FUT8: variants seen among roughly 807,000 people sequenced by gnomAD.
FUT8 encodes alpha-(1,6)-fucosyltransferase.
In FUT8, 29 loss-of-function variants were observed where a neutral mutation model predicts 71.3. The ratio of observed to expected loss-of-function variants is 0.41; its 90% CI spans 0.30 to 0.55. FUT8 has a LOEUF of 0.55. Among genes scored for constraint, FUT8 ranks in the 20% least tolerant of loss-of-function variants. The pLI is 0.34. For missense variants in FUT8, 544 were observed against 702.1 expected (o/e 0.77, Z 2.55); for synonymous variants, 254 against 239.3 (o/e 1.06, Z -0.57).
intron 10 of FUT8, among the ~76,000 whole-genome samples, chr14:65,738,814 C>T (rs539060532): frequency 5.9e-5 from 9 of 152,174 alleles, no homozygotes; most frequent in African/African-American, 2.2e-4. Context: ...AAATTACTTC[C>T]TCTTAATGTT....
intron 5 of FUT8, chr14:65,616,980 A>C: frequency 1.6e-6 from 2 of 1,245,290 alleles, no homozygotes; most frequent in Non-Finnish European, 2.2e-6. Flanking sequence ...AAAAGAAAAC[A>C]TTTTGGTGCT....
intron 6 of FUT8, among the ~76,000 whole-genome samples, chr14:65,632,884 G>A (rs758554744): frequency 6.6e-6 from 1 of 152,020 alleles, no homozygotes; most frequent in Non-Finnish European, 1.5e-5. Flanking sequence ...ATCTTGAGTT[G>A]ATTTTTGTAT....
intron 6 of FUT8, among the ~76,000 whole-genome samples, chr14:65,629,829 T>TACACACACACACACAC (rs3079115): frequency 2.1e-4 from 31 of 148,100 alleles, no homozygotes; most frequent in African/African-American, 7.2e-4. Flanking sequence ...CTTACACACG[T>TACACACACACACACAC]ACACACACAC....
At chr14:65,439,986 A>ATATATATC (rs2065626635) in intron 1 of FUT8, among the ~76,000 whole-genome samples, 1 of 139,562 alleles carries the variant, frequency 7.2e-6, no homozygotes, top group Non-Finnish European at 1.6e-5. Flanking sequence ...ATATATATAT[A>ATATATATC]TATATGTACA....
intron 8 of FUT8, 80 bp from the exon 9 acceptor site, chr14:65,724,067 A>G (rs1443037061): frequency 9.5e-7 from 1 of 1,050,248 alleles, no homozygotes; most frequent in Non-Finnish European, 1.3e-6. Flanking sequence ...TAATGCCACC[A>G]TAAGTAGGGG....
At chr14:65,600,693 TA>T (rs1267319547) in intron 3 of FUT8, among the ~76,000 whole-genome samples, 1 of 152,140 alleles carries the variant, frequency 6.6e-6, no homozygotes. Flanking sequence ...TCTTGTACCT[TA>T]AAAAATTTAT....
intron 7 of FUT8, among the ~76,000 whole-genome samples, chr14:65,685,256 T>G (rs1425808772): frequency 6.6e-6 from 1 of 152,134 alleles, no homozygotes; most frequent in Non-Finnish European, 1.5e-5. Flanking sequence ...AAAAAGGAGA[T>G]TTGGACACAG....
intron 7 of FUT8, among the ~76,000 whole-genome samples, chr14:65,699,249 A>G (rs1894165331): frequency 6.6e-6 from 1 of 151,340 alleles, no homozygotes; most frequent in Admixed American, 6.6e-5. Context: ...ACCCTGGGAA[A>G]CTAATCCTTT....
intron 6 of FUT8, among the ~76,000 whole-genome samples, chr14:65,649,431 T>G (rs1239341709): frequency 6.6e-6 from 1 of 152,202 alleles, no homozygotes; most frequent in Non-Finnish European, 1.5e-5. Flanking sequence ...AAGCCACAAG[T>G]CACATCTGAA....
intron 7 of FUT8, among the ~76,000 whole-genome samples, chr14:65,691,737 AGGACCCTGCGGCC>A (rs1474039479): frequency 6.6e-5 from 10 of 151,766 alleles, no homozygotes; most frequent in African/African-American, 2.4e-4. Context: ...TCCTAGGCAG[AGGACCCTGCGGCC>A]TTCTGCAGTG....
chr14:65,609,604 C>G (rs760445967), intron 3 of FUT8, among the ~76,000 whole-genome samples: 1 of 151,820 alleles, frequency 6.6e-6, no homozygotes, highest in Non-Finnish European at 1.5e-5. Context: ...TCATTATGCT[C>G]TTTGTCATCT....
the FUT8 span, among the ~76,000 whole-genome samples, chr14:65,393,617 C>A: frequency 6.6e-6 from 1 of 152,150 alleles, no homozygotes; most frequent in African/African-American, 2.4e-5. Context: ...CTCAGGGTTT[C>A]TGAGCAGGAA....
chr14:65,583,611 A>G (rs909616896), intron 3 of FUT8, among the ~76,000 whole-genome samples: 1 of 151,716 alleles, frequency 6.6e-6, no homozygotes, highest in Non-Finnish European at 1.5e-5. Context: ...AACATAAGCG[A>G]CATTTAATTT....
intron 1 of FUT8, among the ~76,000 whole-genome samples, chr14:65,442,424 C>G (rs769505498): frequency 6.6e-6 from 1 of 151,788 alleles, no homozygotes; most frequent in Non-Finnish European, 1.5e-5. Flanking sequence ...CCTGCTTCAG[C>G]CTCCCAAAGT....
rs566350467 is a variant in FUT8, at chr14:65,629,587, G to A, written c.578G>A (p.Arg193Gln). The change falls in exon 6 of 11, where the codon CGG (arginine) becomes CAG (glutamine). Residue 193 changes from arginine to glutamine, a missense_variant. By Grantham distance (43) the Arg-to-Gln change is conservative. Coordinates refer to ENST00000673929, the MANE Select transcript of FUT8 (RefSeq NM_001371533.1). ...EAKDLTELVQ[R>Q]RITYLQNPKD... is the part of the protein sequence containing the mutation. The stretch of plus-strand genomic sequence containing the variant: ...AAAGATCTGACAGAACTGGTTCAGC[G>A]GAGAATAACATATCTTCAGGTAAGA... 1.5e-5 allele frequency: 24 copies of A among 1,612,410 alleles called. No individual in the cohort carries two copies. Among genetic ancestry groups the A allele is most frequent in the Middle Eastern group, 1.7e-4 (1 of 6,060 alleles).
Position 65,483,715 on chromosome 14 carries a change from A to T in FUT8, c.-228+27997A>T, listed in dbSNP as rs981264579. Among the ~76,000 whole-genome samples, 1 of 151,684 alleles carries T rather than the reference A, an allele frequency of 6.6e-6. No homozygotes were observed. The highest frequency in any genetic ancestry group is 1.9e-4 in the East Asian group (1 of 5,198). The stretch of plus-strand genomic sequence containing the variant: ...ATGCTTTTATAAATATTTAAATAAC[A>T]TATCAATTTTTTTTTTTTGAGACAG... On this transcript the variant is annotated intron_variant, in intron 2 of 10. Transcript: ENST00000673929. This position sits in a 1 kb window ranked among gnomAD's most constrained non-coding sequence, Gnocchi z 4.4.
Position 65,670,624 on chromosome 14 carries a change from G to A in FUT8, c.835+1144G>A, listed in dbSNP as rs372181830. Among the ~76,000 whole-genome samples the A allele has an allele frequency of 2.6e-5, 4 of 151,776 alleles. No homozygotes were observed. The East Asian group carries it at 5.8e-4, about 22-fold the overall frequency. Reference sequence around the variant, plus strand: ...CTTCAGTTAATATCATTTATTGTGGGGCTAAGCACCTTTTTTCACGAGCTA... The same window carrying A: ...CTTCAGTTAATATCATTTATTGTGGAGCTAAGCACCTTTTTTCACGAGCTA... On this transcript the variant is annotated intron_variant, in intron 7 of 10. Transcript: ENST00000673929.
rs1270304229 is a variant in FUT8 at position 65,743,690 on chromosome 14, C to A, written c.*1280C>A. ...TGAGAAGCGGGACCAATGGGAGACT[C>A]ACAATGGACTGAGTCTTGGGATTAT... is the stretch of plus-strand genomic sequence containing the variant. On this transcript the variant is annotated 3_prime_UTR_variant, in exon 11 of 11. Transcript: ENST00000673929. 6.6e-6 allele frequency: 1 copy of A among 151,824 alleles called. No individual in the cohort carries two copies. Among genetic ancestry groups the A allele is most frequent in the African/African-American group, 2.4e-5 (1 of 41,386 alleles). The allele number at this position is 151,824 out of a possible 1,614,324, so 9.4% of individuals were successfully genotyped here.
chr14:65,395,511 GGA>G, the FUT8 span, among the ~76,000 whole-genome samples: 2 of 152,256 alleles, frequency 1.3e-5, no homozygotes, highest in Non-Finnish European at 2.9e-5. Flanking sequence ...AATACAATGT[GGA>G]AGCTGCCAAG....
Sources: gnomAD v4.1 joint callset for allele counts (sites outside exome capture counted in the v4.1 genomes callset) on GRCh38, gnomAD v4.1.1 for gene constraint, Gnocchi (gnomAD v3.1) non-coding constraint, MANE v1.5 for transcripts, NCBI Gene and HGNC (gene_info 2026-07-23, HGNC 2026-07-21) for gene names.